GATAD2B: variants seen among roughly 807,000 people sequenced by gnomAD.
GATAD2B encodes transcriptional repressor p66-beta.
Under a neutral mutation model 64.3 loss-of-function variants are expected in GATAD2B, and 8 were observed. The observed-to-expected ratio is 0.12, with a 90% CI of 0.07 to 0.22. The LOEUF (loss-of-function observed/expected upper bound fraction) is 0.22, where lower values mean the gene tolerates loss of function less well. Among genes scored for constraint, GATAD2B ranks in the 10% least tolerant of loss-of-function variants. GATAD2B has a pLI of 1.00. For synonymous variants in GATAD2B, 281 were observed against 271.3 expected, an observed-to-expected ratio of 1.04 and a Z score of -0.35; for missense variants, 453 against 752.0, an observed-to-expected ratio of 0.60 and a Z score of 4.65.
intron 1 of GATAD2B, chr1:153,853,237 C>T (rs962850051): frequency 1.0e-5 from 11 of 1,086,996 alleles, no homozygotes; most frequent in Non-Finnish European, 1.1e-5. Context: ...TCATGGCCAC[C>T]GAGGTGATGG....
intron 1 of GATAD2B, chr1:153,886,379 A>G (rs532586306): frequency 6.6e-6 from 1 of 152,334 alleles, no homozygotes; most frequent in African/African-American, 2.4e-5. Context: ...TTGTTTAAAC[A>G]TATCTAAACA....
At chr1:153,824,010 G>A (rs755123700) in intron 2 of GATAD2B, among the ~76,000 whole-genome samples, 3 of 152,082 alleles carry the variant, frequency 2.0e-5, no homozygotes, top group South Asian at 4.1e-4. Flanking sequence ...GATTACAGGC[G>A]TGAGCCACTG....
intron 1 of GATAD2B, among the ~76,000 whole-genome samples, chr1:153,909,146 A>C (rs975770225): frequency 1.3e-5 from 2 of 152,140 alleles, no homozygotes; most frequent in East Asian, 1.9e-4. Context: ...TGAGGGCTGT[A>C]GTGAGCCATG....
rs140502413 is a variant in GATAD2B, at chr1:153,822,988, T to C, written c.336-3253A>G. Among the ~76,000 whole-genome samples, 53 of 152,226 alleles carry C rather than the reference T, an allele frequency of 3.5e-4. No individual in the cohort carries two copies. The East Asian group carries it at 8.9e-3, about 26-fold the overall frequency. ...TTTGTAGAGAAGGGGTCTCCTTATG[T>C]TACTAAGGCTGGTCTTAAACTTCTA... On this transcript the variant is annotated intron_variant, in intron 2 of 10. Transcript: ENST00000368655.
chr1:153,911,735 T>G (rs9427245), intron 1 of GATAD2B, among the ~76,000 whole-genome samples: 4,642 of 148,930 alleles, frequency 0.031, 246 homozygotes, highest in African/African-American at 0.11. Context: ...AAACTCCATC[T>G]CAAAAAAAAA....
chr1:153,871,863 T>C (rs1385527091), intron 1 of GATAD2B, among the ~76,000 whole-genome samples: 1 of 152,146 alleles, frequency 6.6e-6, no homozygotes, highest in African/African-American at 2.4e-5. Flanking sequence ...GGCAGGAGGA[T>C]CACTTGAACC....
rs182994405 is a variant in GATAD2B, at chr1:153,831,336, G to A, written c.-1-2988C>T. On this transcript the variant is annotated intron_variant, in intron 1 of 10. Coordinates refer to ENST00000368655, the MANE Select transcript of GATAD2B (RefSeq NM_020699.4). ...GAACATCACACACCTGGGTCTGTTGGGGGGTAGGAGGCAAAAGGAAGGAGA... is the reference window on the plus strand; with the variant it reads ...GAACATCACACACCTGGGTCTGTTGAGGGGTAGGAGGCAAAAGGAAGGAGA... Among the ~76,000 whole-genome samples the A allele has an allele frequency of 6.9e-4, 105 of 152,162 alleles. 2 individuals are homozygous for A. The East Asian group carries it at 0.019, about 27-fold the overall frequency.
chr1:153,912,625 A>C (rs550171412), intron 1 of GATAD2B, among the ~76,000 whole-genome samples: 5 of 152,324 alleles, frequency 3.3e-5, no homozygotes, highest in African/African-American at 7.2e-5. Context: ...GCAACACATC[A>C]ATCTAGCCAT....
Position 153,835,991 on chromosome 1 carries a change from T to C in GATAD2B, c.-1-7643A>G, listed in dbSNP as rs372910048. Among the ~76,000 whole-genome samples, 564 of 152,132 alleles carry C rather than the reference T, an allele frequency of 3.7e-3. 11 individuals carry two copies. The South Asian group carries it at 0.05, about 14-fold the overall frequency. On this transcript the variant is annotated intron_variant, in intron 1 of 10. Coordinates refer to ENST00000368655, the MANE Select transcript of GATAD2B (RefSeq NM_020699.4). ...TCCCGCCTCAGCCTTCCAGAGTGCT[T>C]GGATTACAGGCGTGAGCCACTGCGT...
At chr1:153,865,981 G>C (rs1380331561) in intron 1 of GATAD2B, among the ~76,000 whole-genome samples, 1 of 152,104 alleles carries the variant, frequency 6.6e-6, no homozygotes, top group Non-Finnish European at 1.5e-5. Context: ...GAGGCGGACG[G>C]ATCATCTGAA....
chr1:153,850,190 AAGGGTATTATAC>A (rs1675838907), intron 1 of GATAD2B, among the ~76,000 whole-genome samples: 1 of 152,174 alleles, frequency 6.6e-6, no homozygotes, highest in African/African-American at 2.4e-5. Context: ...TGGTTACCCC[AAGGGTATTATAC>A]AGGGTCCTGA....
intron 1 of GATAD2B, among the ~76,000 whole-genome samples, chr1:153,900,398 C>A (rs887915624): frequency 2.0e-5 from 3 of 151,420 alleles, no homozygotes; most frequent in Non-Finnish European, 2.9e-5. Context: ...CCAGCCTGGG[C>A]AATAGAGACT....
intron 1 of GATAD2B, among the ~76,000 whole-genome samples, chr1:153,845,189 G>C (rs914534743): frequency 1.3e-5 from 2 of 152,052 alleles, no homozygotes; most frequent in African/African-American, 4.8e-5. Context: ...GTGTGGTACT[G>C]GCTTAAAGAC....
At chr1:153,880,009 A>G (rs2101938672) in intron 1 of GATAD2B, among the ~76,000 whole-genome samples, 1 of 152,214 alleles carries the variant, frequency 6.6e-6, no homozygotes, top group African/African-American at 2.4e-5. Context: ...CCGCATTTTG[A>G]TAATATCATA....
At chr1:153,828,455 TACACACACACACACACAC>T (rs71093290) in intron 1 of GATAD2B, 107 bp from the exon 2 acceptor site, 14 of 584,416 alleles carry the variant, frequency 2.4e-5, no homozygotes, top group African/African-American at 5.8e-5. Context: ...CTCTCACACA[TACACACACACACACACAC>T]ACACACACAC....
intron 1 of GATAD2B, among the ~76,000 whole-genome samples, chr1:153,921,450 T>G (rs185966321): frequency 6.6e-6 from 1 of 152,316 alleles, no homozygotes; most frequent in Non-Finnish European, 1.5e-5. Flanking sequence ...GTTAAACCTG[T>G]TTTAATTCCA....
intron 1 of GATAD2B, among the ~76,000 whole-genome samples, chr1:153,911,761 AC>A (rs894692626): frequency 6.6e-6 from 1 of 152,004 alleles, no homozygotes; most frequent in African/African-American, 2.4e-5. Flanking sequence ...AACAAAAAAA[AC>A]AAAGCCAACT....
chr1:153,909,970 C>T (rs1678065388), intron 1 of GATAD2B, among the ~76,000 whole-genome samples: 1 of 145,788 alleles, frequency 6.9e-6, no homozygotes, highest in Middle Eastern at 3.4e-3. Context: ...AAAAAATTAG[C>T]TGGGCATGGT....
intron 1 of GATAD2B, among the ~76,000 whole-genome samples, chr1:153,895,098 C>G (rs548777134): frequency 1.3e-5 from 2 of 152,040 alleles, no homozygotes; most frequent in African/African-American, 4.8e-5. Flanking sequence ...GCAGATGTTG[C>G]GGTGAACCAA....
Sources: allele counts gnomAD v4.1 joint callset (sites outside exome capture counted in the v4.1 genomes callset), GRCh38; gene constraint gnomAD v4.1.1; transcripts MANE v1.5; gene names NCBI Gene and HGNC (gene_info 2026-07-23, HGNC 2026-07-21).